C1orf56: variants seen among roughly 807,000 people sequenced by gnomAD.
The protein encoded by C1orf56 is chromosome 1 open reading frame 56, also known as protein MENT.
A neutral mutation model predicts 20.7 loss-of-function variants in C1orf56; 14 were observed. The ratio of observed to expected loss-of-function variants is 0.68; its 90% CI spans 0.45 to 1.06. The LOEUF (loss-of-function observed/expected upper bound fraction) is 1.06. Ranked by LOEUF, C1orf56 falls within the 50% of genes least tolerant of loss-of-function variation. C1orf56 has a pLI of 0.00. For synonymous variants in C1orf56, 187 were observed against 194.7 expected, an observed-to-expected ratio of 0.96 and a Z score of 0.33; for missense variants, 424 against 451.4, an observed-to-expected ratio of 0.94 and a Z score of 0.55.
chr1:151,048,102 CT>C lies in C1orf56; in HGVS notation c.257del (p.Leu86TrpfsTer27). ...TGGCTGGACCAGCGGCTGCCGAGCT[CT>C]TGGCCGCCACGGTGTCCACCGGCTT... ...RLAGPAAAEL[L>X]AATVSTGFSR... On this transcript the variant is annotated frameshift_variant, in exon 1 of 2. Transcript: ENST00000368926. LOFTEE classifies it high-confidence loss of function. This position sits in a 1 kb window ranked among gnomAD's most constrained non-coding sequence, Gnocchi z 4.8. 6.2e-7 allele frequency: 1 copy of C among 1,613,446 alleles called. No homozygotes were observed. The highest frequency in any genetic ancestry group is 1.1e-5 in the South Asian group (1 of 91,076).
At position 151,048,848 on chromosome 1, in the gene C1orf56, A is replaced by G; in HGVS notation, c.1001A>G (p.Gln334Arg). ...NSLSSVFTEM[Q>R]PIDRNQR ...CTCTCTTCAGTGTTCACAGAGATGC[A>G]ACCAGTAAGTGTTTGGTGATGAGCC... Residue 334 changes from glutamine (Q) to arginine (R), a missense_variant, in exon 1 of 2, where the codon CAA becomes CGA. Physicochemically the swap from Gln to Arg is conservative, Grantham distance 43. Coordinates refer to ENST00000368926, the MANE Select transcript of C1orf56 (RefSeq NM_017860.5). This position sits in a 1 kb window ranked among gnomAD's most constrained non-coding sequence, Gnocchi z 4.8. 1 of 1,545,848 alleles carries G rather than the reference A, an allele frequency of 6.5e-7. No homozygotes were observed. Among genetic ancestry groups the G allele is most frequent in the South Asian group, 1.2e-5 (1 of 81,060 alleles).
Position 151,048,381 on chromosome 1 carries a change from TG to T in C1orf56, c.537del (p.Ser180LeufsTer24). Reference protein sequence around the residue: ...QATLSQWSTPGSTPSRWPSPS... With the variant: ...QATLSQWSTPXSTPSRWPSPS... ...CCACCCTGAGCCAGTGGTCCACACCTGGGTCTACCCCGAGCCGGTGGCCGTC... is the reference window on the plus strand; with the variant it reads ...CCACCCTGAGCCAGTGGTCCACACCTGGTCTACCCCGAGCCGGTGGCCGTC... On this transcript the variant is annotated frameshift_variant, in exon 1 of 2. Transcript: ENST00000368926. LOFTEE classifies it high-confidence loss of function. The surrounding 1 kb of genome is among the most constrained non-coding windows in gnomAD (Gnocchi z 4.8). 10 of 1,612,928 alleles carry T rather than the reference TG, an allele frequency of 6.2e-6. No individual in the cohort carries two copies. The highest frequency in any genetic ancestry group is 8.5e-6 in the Non-Finnish European group (10 of 1,179,938).
In C1orf56 at chr1:151,050,488, A is replaced by C. The variant is rs1400077411; in HGVS notation, c.*30A>C. ...CACTTCATCCACATGAGGAGATGTC[A>C]GTATCTCAACCTCTCTTGCCCTTTC... On this transcript the variant is annotated 3_prime_UTR_variant, in exon 2 of 2. Coordinates refer to ENST00000368926, the MANE Select transcript of C1orf56 (RefSeq NM_017860.5). The C allele has an allele frequency of 7.5e-6, 12 of 1,601,620 alleles. No homozygotes were observed. Among genetic ancestry groups the C allele is most frequent in the African/African-American group, 2.7e-5 (2 of 74,244 alleles).
chr1:151,047,840 C>A lies in C1orf56; in HGVS notation c.-8C>A. ...TGGCCACCCTCCCAACCCCAAGAGC[C>A]CAGCCCCATGGTCCCCGCCGCCGGC... On this transcript the variant is annotated 5_prime_UTR_variant, in exon 1 of 2. Coordinates refer to ENST00000368926, the MANE Select transcript of C1orf56 (RefSeq NM_017860.5). 1 of 1,554,960 alleles carries A rather than the reference C, an allele frequency of 6.4e-7. No homozygotes were observed. The highest frequency in any genetic ancestry group is 1.2e-5 in the South Asian group (1 of 81,594).
In C1orf56 at chr1:151,048,825, C is replaced by T. The variant is rs202112151; in HGVS notation, c.978C>T (p.Leu326=). The T allele has an allele frequency of 2.8e-5, 45 of 1,584,302 alleles. No individual in the cohort carries two copies. Among genetic ancestry groups the T allele is most frequent in the Non-Finnish European group, 3.8e-5 (44 of 1,166,006 alleles). ...GCCTGGAGGATATTTGGAATAGCCT[C>T]TCTTCAGTGTTCACAGAGATGCAAC... ...RIGLEDIWNS[L]SSVFTEMQPI... The change falls in exon 1 of 2, where the codon CTC becomes CTT. Residue 326 remains leucine (L), a synonymous_variant. Transcript: ENST00000368926. This position sits in a 1 kb window ranked among gnomAD's most constrained non-coding sequence, Gnocchi z 4.8.
rs1416224270 is a variant in C1orf56, at chr1:151,048,585, G to A, written c.738G>A (p.Lys246=). The A allele has an allele frequency of 1.2e-6, 2 of 1,614,226 alleles. No individual in the cohort carries two copies. Among genetic ancestry groups the A allele is most frequent in the Admixed American group, 1.7e-5 (1 of 60,034 alleles). Residue 246 remains lysine (K), a synonymous_variant, in exon 1 of 2, where the codon AAG becomes AAA. Transcript: ENST00000368926. The surrounding 1 kb of genome is among the most constrained non-coding windows in gnomAD (Gnocchi z 4.8). The part of the protein sequence containing the change: ...GALSQLRTEH[K]PCTYQQCPCN... The stretch of plus-strand genomic sequence containing the variant: ...TGAGCCAGCTCCGCACGGAGCACAA[G>A]CCTTGCACCTATCAACAATGTCCCT...
In C1orf56 at chr1:151,047,971, G is replaced by A. The variant is rs749085298; in HGVS notation, c.124G>A (p.Gly42Ser). Residue 42 changes from glycine to serine, a missense_variant, in exon 1 of 2, where the codon GGC becomes AGC. Gly to Ser is a moderately conservative substitution (Grantham distance 56). Coordinates refer to ENST00000368926, the MANE Select transcript of C1orf56 (RefSeq NM_017860.5). ...EMQRVSLRFG[G>S]PMTRSYRSTA... The stretch of plus-strand genomic sequence containing the variant: ...GCAGCGGGTCAGTTTACGCTTTGGG[G>A]GCCCCATGACCCGCAGCTACCGGAG... The A allele has an allele frequency of 5.0e-6, 8 of 1,613,704 alleles. No individual in the cohort carries two copies. The African/African-American group carries it at 8.0e-5, about 16-fold the overall frequency.
At chr1:151,049,247 G>A (rs757561126) in intron 1 of C1orf56, among the ~76,000 whole-genome samples, 3 of 150,826 alleles carry the variant, frequency 2.0e-5, no homozygotes, top group Non-Finnish European at 3.0e-5. Flanking sequence ...TTGAGTAGCT[G>A]GGATTACAGG....
chr1:151,047,969 G>A lies in C1orf56; in HGVS notation c.122G>A (p.Gly41Glu). The stretch of plus-strand genomic sequence containing the variant: ...ATGCAGCGGGTCAGTTTACGCTTTG[G>A]GGGCCCCATGACCCGCAGCTACCGG... Reference protein sequence around the residue: ...TEMQRVSLRFGGPMTRSYRST... With the variant: ...TEMQRVSLRFEGPMTRSYRST... The change falls in exon 1 of 2, where the codon GGG becomes GAG. Residue 41 changes from glycine to glutamate, a missense_variant. Gly to Glu is a moderately conservative substitution (Grantham distance 98). Transcript: ENST00000368926. 10 of 1,613,818 alleles carry A rather than the reference G, an allele frequency of 6.2e-6. No homozygotes were observed. The highest frequency in any genetic ancestry group is 8.5e-6 in the Non-Finnish European group (10 of 1,179,982).
At chr1:151,050,409 C>T (rs1329890369) in intron 1 of C1orf56, 29 bp from the exon 2 acceptor site, 1 of 1,600,206 alleles carries the variant, frequency 6.2e-7, no homozygotes. Context: ...TGTAATTTCC[C>T]TTTTTCTCTA....
In C1orf56 at chr1:151,050,533, T is replaced by G; in HGVS notation, c.*75T>G. 4.9e-6 allele frequency: 7 copies of G among 1,426,018 alleles called. No homozygotes were observed. The highest frequency in any genetic ancestry group is 5.8e-6 in the Non-Finnish European group (6 of 1,041,426). 88.3% of individuals were successfully genotyped at this position (1,426,018 alleles called of 1,614,324 possible). On this transcript the variant is annotated 3_prime_UTR_variant, in exon 2 of 2. Transcript: ENST00000368926. Reference sequence around the variant, plus strand: ...CCTTTCAATCCTAGCACCCACTAGATATTTTTAGTACAGAAAAACAAAACT... The same window carrying G: ...CCTTTCAATCCTAGCACCCACTAGAGATTTTTAGTACAGAAAAACAAAACT...
chr1:151,048,620 T>G lies in C1orf56; in HGVS notation c.773T>G (p.Leu258Arg), dbSNP rs149401294. ...CTYQQCPCNRLREECPLDTSL... is the reference protein window; with the variant it reads ...CTYQQCPCNRRREECPLDTSL... ...TATCAACAATGTCCCTGCAACCGAC[T>G]TCGGGAAGAGTGCCCCCTGGACACA... Residue 258 changes from leucine to arginine, a missense_variant, in exon 1 of 2, where the codon CTT (leucine) becomes CGT (arginine). Physicochemically the swap from Leu to Arg is moderately radical, Grantham distance 102 (BLOSUM62 -2). Coordinates refer to ENST00000368926, the MANE Select transcript of C1orf56 (RefSeq NM_017860.5). The surrounding 1 kb of genome is among the most constrained non-coding windows in gnomAD (Gnocchi z 4.8). The G allele has an allele frequency of 8.8e-5, 142 of 1,614,220 alleles. 2 individuals are homozygous for G. In the African/African-American group the frequency reaches 1.7e-3, roughly 19 times the overall value.
At chr1:151,049,338 A>G (rs979249926) in intron 1 of C1orf56, among the ~76,000 whole-genome samples, 11 of 151,038 alleles carry the variant, frequency 7.3e-5, no homozygotes, top group Admixed American at 5.3e-4. Context: ...GCTGGTCTAG[A>G]ACTCCTGACC....
chr1:151,048,170 A>G lies in C1orf56; in HGVS notation c.323A>G (p.Glu108Gly), dbSNP rs750224109. The G allele has an allele frequency of 6.2e-7, 1 of 1,613,954 alleles. No homozygotes were observed. The highest frequency in any genetic ancestry group is 2.2e-5 in the East Asian group (1 of 44,888). ...ATTAACGAGGAGGATGGGTCTTCAG[A>G]AGAGGGGGTTGTGATTAATGCCGGA... ...SAINEEDGSSEEGVVINAGKD... is the reference protein window; with the variant it reads ...SAINEEDGSSGEGVVINAGKD... The change falls in exon 1 of 2, where the codon GAA becomes GGA. Residue 108 changes from glutamate (E) to glycine (G), a missense_variant. Physicochemically the swap from Glu to Gly is moderately conservative, Grantham distance 98 (BLOSUM62 -2). Transcript: ENST00000368926. This position sits in a 1 kb window ranked among gnomAD's most constrained non-coding sequence, Gnocchi z 4.8.
At position 151,048,542 on chromosome 1, in the gene C1orf56, G is replaced by A; in HGVS notation, c.695G>A (p.Arg232His). The A allele has an allele frequency of 1.2e-6, 2 of 1,613,664 alleles. No individual in the cohort carries two copies. Among genetic ancestry groups the A allele is most frequent in the Non-Finnish European group, 8.5e-7 (1 of 1,180,028 alleles). The stretch of plus-strand genomic sequence containing the variant: ...GGGAAGCTGCACGGCCTTTCCGGGC[G>A]CCTTCGAGTTGGGGCGCTGAGCCAG... ...RSGKLHGLSGRLRVGALSQLR... is the reference protein window; with the variant it reads ...RSGKLHGLSGHLRVGALSQLR... The change falls in exon 1 of 2, where the codon CGC becomes CAC. Residue 232 changes from arginine (R) to histidine (H), a missense_variant. Coordinates refer to ENST00000368926, the MANE Select transcript of C1orf56 (RefSeq NM_017860.5). The surrounding 1 kb of genome is among the most constrained non-coding windows in gnomAD (Gnocchi z 4.8).
chr1:151,048,271 A>C lies in C1orf56; in HGVS notation c.424A>C (p.Asn142His). 6.2e-7 allele frequency: 1 copy of C among 1,614,238 alleles called. No individual in the cohort carries two copies. Among genetic ancestry groups the C allele is most frequent in the Non-Finnish European group, 8.5e-7 (1 of 1,180,042 alleles). The change falls in exon 1 of 2, where the codon AAT becomes CAT. Residue 142 changes from asparagine (N) to histidine (H), a missense_variant. Coordinates refer to ENST00000368926, the MANE Select transcript of C1orf56 (RefSeq NM_017860.5). This position sits in a 1 kb window ranked among gnomAD's most constrained non-coding sequence, Gnocchi z 4.8. ...AGSSSTRFIA[N>H]SQEPEIRLTS... ...GAGTTCCAGCACGAGGTTTATAGCC[A>C]ATAGTCAGGAGCCTGAAATCAGGCT... is the stretch of plus-strand genomic sequence containing the variant.
Position 151,050,435 on chromosome 1 carries a change from CAGAT to C in C1orf56, c.1007_1010del (p.Ile336ThrfsTer30), listed in dbSNP as rs776286336. The C allele has an allele frequency of 1.2e-6, 2 of 1,607,758 alleles. No homozygotes were observed. Among genetic ancestry groups the C allele is most frequent in the East Asian group, 2.2e-5 (1 of 44,720 alleles). On this transcript the variant is annotated splice_acceptor_variant and coding_sequence_variant, in exon 2 of 2. Coordinates refer to ENST00000368926, the MANE Select transcript of C1orf56 (RefSeq NM_017860.5). LOFTEE classifies it high-confidence loss of function. Reference sequence around the variant, plus strand: ...TTTTTCTCTATTTTTTTTTCTTACGCAGATAGACAGAAACCAGAGGTAATGGCCA... The same window carrying C: ...TTTTTCTCTATTTTTTTTTCTTACGCAGACAGAAACCAGAGGTAATGGCCA...
At chr1:151,049,833 TAA>T (rs1391894752) in intron 1 of C1orf56, 2 of 152,402 alleles carry the variant, frequency 1.3e-5, no homozygotes, top group African/African-American at 4.8e-5. Context: ...GCCCGGCCCA[TAA>T]AGTCTTTTTG....
Position 151,047,785 on chromosome 1 carries a change from A to G in C1orf56, c.-63A>G. The stretch of plus-strand genomic sequence containing the variant: ...GGTGGGTCTACAGCGGAAGGGAGGG[A>G]GCGAAGGTAGGAGGCAGGGCTTGCC... On this transcript the variant is annotated 5_prime_UTR_variant, in exon 1 of 2. Transcript: ENST00000368926. The G allele has an allele frequency of 1.4e-6, 2 of 1,448,874 alleles. No individual in the cohort carries two copies. Among genetic ancestry groups the G allele is most frequent in the African/African-American group, 1.4e-5 (1 of 70,066 alleles). 89.8% of individuals were successfully genotyped at this position (1,448,874 alleles called of 1,614,324 possible).
Sources: gnomAD v4.1 joint callset for allele counts (sites outside exome capture counted in the v4.1 genomes callset) on GRCh38, gnomAD v4.1.1 for gene constraint, Gnocchi (gnomAD v3.1) non-coding constraint, MANE v1.5 for transcripts, NCBI Gene and HGNC (gene_info 2026-07-23, HGNC 2026-07-21) for gene names.